The following EYS variants were observed in gnomAD, a reference collection of about 807,000 sequenced individuals.
EYS encodes EGF-like photoreceptor maintenance factor.
A neutral mutation model predicts 282.1 loss-of-function variants in EYS; 250 were observed. That is an observed-to-expected ratio of 0.89 (90% confidence interval 0.80 to 0.98). The LOEUF (loss-of-function observed/expected upper bound fraction) is 0.98, where lower values mean the gene tolerates loss of function less well. EYS is among the 50% of genes least tolerant of loss of function. The pLI is 0.00. For missense variants in EYS, 4,016 were observed against 3,709.0 expected (o/e 1.08, Z -2.15); for synonymous variants, 1,355 against 1,282.9 (o/e 1.06, Z -1.20).
intron 14 of EYS, among the ~76,000 whole-genome samples, chr6:64,987,851 T>C (rs1176735291): frequency 6.6e-6 from 1 of 151,558 alleles, no homozygotes; most frequent in African/African-American, 2.4e-5. Context: ...AAGCATAGAA[T>C]TGGTAATAAC....
intron 19 of EYS, among the ~76,000 whole-genome samples, chr6:64,868,939 A>G (rs1396442054): frequency 6.6e-6 from 1 of 151,482 alleles, no homozygotes; most frequent in Non-Finnish European, 1.5e-5. Flanking sequence ...AAATAATAAT[A>G]TTTCACTGTC....
chr6:65,126,467 A>G (rs1190546533), intron 12 of EYS, among the ~76,000 whole-genome samples: 1 of 152,110 alleles, frequency 6.6e-6, no homozygotes, highest in Non-Finnish European at 1.5e-5. Flanking sequence ...TGAATTTTCC[A>G]TCACGTCTAA....
chr6:64,173,323 A>T (rs1764536632), intron 31 of EYS, among the ~76,000 whole-genome samples: 1 of 152,162 alleles, frequency 6.6e-6, no homozygotes. Flanking sequence ...TCATATAAAT[A>T]CAAACTTTGT....
chr6:65,113,039 C>A lies in EYS; in HGVS notation c.2024-55312G>T, dbSNP rs140246505. Reference sequence around the variant, plus strand: ...TAATATAAAATGCCAGGAAAATTGCCCACATAATATAACTCTCACATTATA... The same window carrying A: ...TAATATAAAATGCCAGGAAAATTGCACACATAATATAACTCTCACATTATA... On this transcript the variant is annotated intron_variant, in intron 12 of 42. Coordinates refer to ENST00000503581, the MANE Select transcript of EYS (RefSeq NM_001142800.2). Among the ~76,000 whole-genome samples, 5 of 152,012 alleles carry A rather than the reference C, an allele frequency of 3.3e-5. No individual in the cohort carries two copies. In the East Asian group the frequency reaches 9.7e-4, roughly 29 times the overall value.
At chr6:64,358,324 C>G (rs1287664355) in intron 29 of EYS, among the ~76,000 whole-genome samples, 1 of 151,570 alleles carries the variant, frequency 6.6e-6, no homozygotes, top group Non-Finnish European at 1.5e-5. Flanking sequence ...TATGTTAAAC[C>G]TGCTTCAAAG....
chr6:64,456,292 A>G (rs1775558383), intron 26 of EYS, among the ~76,000 whole-genome samples: 1 of 152,122 alleles, frequency 6.6e-6, no homozygotes, highest in Admixed American at 6.6e-5. Context: ...ACTGACTTCA[A>G]GAAGACTTAG....
At chr6:63,874,726 T>A (rs1772919159) in intron 35 of EYS, among the ~76,000 whole-genome samples, 1 of 152,222 alleles carries the variant, frequency 6.6e-6, no homozygotes, top group South Asian at 2.1e-4. Context: ...TTATTCTCTT[T>A]GAAGCAATTG....
At chr6:64,235,181 C>T (rs985179658) in intron 30 of EYS, among the ~76,000 whole-genome samples, 26 of 149,978 alleles carry the variant, frequency 1.7e-4, no homozygotes, top group Non-Finnish European at 3.0e-4. Context: ...GCTGGTGTGC[C>T]GCACCCATTA....
In EYS at chr6:63,872,477, G is replaced by GTTT. The variant is rs3041455; in HGVS notation, c.7056-8122_7056-8120dup. On this transcript the variant is annotated intron_variant, in intron 35 of 42. Transcript: ENST00000503581. ...CCTACATCCACTATACCTAAATATG[G>GTTT]TTTTTTTTTTTTTTTTTTTAGACCT... 5.9e-3 allele frequency among the ~76,000 whole-genome samples: 702 copies of GTTT among 119,356 alleles called. 35 individuals are homozygous for GTTT. The highest frequency in any genetic ancestry group is 0.017 in the African/African-American group (505 of 29,902). The allele number at this position is 119,356 out of a possible 152,430, so 78.3% of individuals were successfully genotyped here. A position where few individuals can be genotyped will look rare whatever the true frequency, so the allele number is the denominator to read the frequency against.
intron 26 of EYS, among the ~76,000 whole-genome samples, chr6:64,536,782 G>C (rs1026006370): frequency 5.3e-5 from 8 of 150,988 alleles, no homozygotes; most frequent in African/African-American, 9.7e-5. Context: ...CTTAGTTGAA[G>C]ACCTGTACTT....
At chr6:64,889,280 T>G (rs1767201855) in intron 18 of EYS, among the ~76,000 whole-genome samples, 1 of 152,056 alleles carries the variant, frequency 6.6e-6, no homozygotes. Context: ...ACTTACTTGT[T>G]GCATAAGTTA....
chr6:65,438,229 G>A (rs1354009535), intron 5 of EYS, among the ~76,000 whole-genome samples: 2 of 152,032 alleles, frequency 1.3e-5, no homozygotes, highest in East Asian at 3.9e-4. Context: ...GTGTATATGT[G>A]CCACATTTTC....
At chr6:64,556,164 T>G (rs1765226174) in intron 26 of EYS, among the ~76,000 whole-genome samples, 1 of 152,042 alleles carries the variant, frequency 6.6e-6, no homozygotes, top group African/African-American at 2.4e-5. Context: ...AATATTTGTC[T>G]TCACAGAGAC....
At chr6:64,583,065 C>T (rs1045454576) in intron 26 of EYS, among the ~76,000 whole-genome samples, 3 of 152,090 alleles carry the variant, frequency 2.0e-5, no homozygotes, top group Non-Finnish European at 4.4e-5. Flanking sequence ...ACAAAAGATT[C>T]TGTCTTCCAT....
chr6:64,480,550 T>A lies in EYS; in HGVS notation c.5645-41198A>T, dbSNP rs1042055384. 2.6e-5 allele frequency among the ~76,000 whole-genome samples: 4 copies of A among 151,968 alleles called. No homozygotes were observed. The East Asian group carries it at 7.8e-4, about 29-fold the overall frequency. ...TAAGACTAAATGAAAGTTTGCAGCC[T>A]AAGGGGTGACAAAACATAAAATATA... On this transcript the variant is annotated intron_variant, in intron 26 of 42. Coordinates refer to ENST00000503581, the MANE Select transcript of EYS (RefSeq NM_001142800.2).
intron 12 of EYS, among the ~76,000 whole-genome samples, chr6:65,254,670 T>C (rs1227641368): frequency 6.6e-6 from 1 of 151,830 alleles, no homozygotes; most frequent in Non-Finnish European, 1.5e-5. Flanking sequence ...AGCTTCCCAA[T>C]TTATTACTGT....
chr6:65,508,662 CA>C (rs35302193), intron 2 of EYS, among the ~76,000 whole-genome samples: 67,929 of 109,800 alleles, frequency 0.62, 18,537 homozygotes, highest in East Asian at 0.74. Flanking sequence ...GACTCCATCT[CA>C]AAAAAAAAAA....
chr6:64,018,158 A>G (rs547730703), intron 33 of EYS, among the ~76,000 whole-genome samples: 1 of 152,298 alleles, frequency 6.6e-6, no homozygotes, highest in African/African-American at 2.4e-5. Flanking sequence ...ATATATAAAT[A>G]TGTAAATTAA....
chr6:65,347,122 T>C (rs994589930), intron 9 of EYS, among the ~76,000 whole-genome samples: 6 of 151,870 alleles, frequency 4.0e-5, no homozygotes, highest in South Asian at 2.1e-4. Context: ...TTAGATATTA[T>C]AGTGATTTTA....
Sources: allele counts gnomAD v4.1 joint callset (sites outside exome capture counted in the v4.1 genomes callset), GRCh38; gene constraint gnomAD v4.1.1; transcripts MANE v1.5; gene names NCBI Gene and HGNC (gene_info 2026-07-23, HGNC 2026-07-21).